Variants in ZNF831 observed in about 807,000 individuals in gnomAD.
The protein encoded by ZNF831 is zinc finger protein 831.
ZNF831 carries 59 observed loss-of-function variants against 95.8 expected under a neutral mutation model. That is an observed-to-expected ratio of 0.62 (90% CI 0.50 to 0.77). The LOEUF (loss-of-function observed/expected upper bound fraction) is 0.77. ZNF831 is among the 30% of genes least tolerant of loss of function. The pLI is 0.00. For missense variants in ZNF831, 2,205 were observed against 2,164.0 expected (o/e 1.02, Z -0.38); for synonymous variants, 961 against 925.5 (o/e 1.04, Z -0.70).
Position 59,255,626 on chromosome 20 carries a change from G to C in ZNF831, c.*883G>C, listed in dbSNP as rs1390587761. On this transcript the variant is annotated 3_prime_UTR_variant, in exon 6 of 6. Transcript: ENST00000371030. ...TTCTTCTTGTCATATTGTGCTCTGA[G>C]CAATTTCAATTAGAGGGTTACATTT... 1 of 152,198 alleles carries C rather than the reference G, an allele frequency of 6.6e-6. No individual in the cohort carries two copies. The highest frequency in any genetic ancestry group is 2.1e-4 in the South Asian group (1 of 4,822). 9.4% of individuals were successfully genotyped at this position (152,198 alleles called of 1,614,324 possible).
intron 4 of ZNF831, among the ~76,000 whole-genome samples, chr20:59,213,027 A>G (rs1264142098): frequency 1.3e-5 from 2 of 152,236 alleles, no homozygotes; most frequent in African/African-American, 4.8e-5. Flanking sequence ...GAAAAGTGAC[A>G]AAGATGATAA....
chr20:59,194,092 G>GA lies in ZNF831; in HGVS notation c.3074dup (p.Asp1025GlufsTer9). 6.5e-7 allele frequency: 1 copy of GA among 1,545,940 alleles called. No individual in the cohort carries two copies. Reference sequence around the variant, plus strand: ...GAGAAAAGGGGCACAGTTGGGGGGGGACAAGGGGGACAGGATGGCCACTAG... The same window carrying GA: ...GAGAAAAGGGGCACAGTTGGGGGGGGAACAAGGGGGACAGGATGGCCACTAG... On this transcript the variant is annotated frameshift_variant, in exon 2 of 6. Transcript: ENST00000371030. LOFTEE classifies it high-confidence loss of function.
rs1197061835 is a variant in ZNF831, at chr20:59,192,246, C to T, written c.1227C>T (p.Ala409=). ...LEKKRLEERI[A]QLISHNQAVV... is the part of the protein sequence containing the mutation. ...AGAAGCGGCTGGAGGAGCGCATCGC[C>T]CAGCTCATCTCCCACAACCAGGCGG... is the stretch of plus-strand genomic sequence containing the variant. Residue 409 remains alanine (A), a synonymous_variant, in exon 2 of 6, where the codon GCC becomes GCT. Coordinates refer to ENST00000371030, the MANE Select transcript of ZNF831 (RefSeq NM_178457.3). The surrounding 1 kb of genome is among the most constrained non-coding windows in gnomAD (Gnocchi z 5.2). The T allele has an allele frequency of 6.3e-7, 1 of 1,595,458 alleles. No homozygotes were observed. Among genetic ancestry groups the T allele is most frequent in the Non-Finnish European group, 8.5e-7 (1 of 1,171,944 alleles).
intron 4 of ZNF831, among the ~76,000 whole-genome samples, chr20:59,246,860 C>CA (rs1987635489): frequency 6.6e-6 from 1 of 152,218 alleles, no homozygotes; most frequent in Admixed American, 6.5e-5. Context: ...TCCTCTCCCC[C>CA]AACCCTCCCT....
intron 4 of ZNF831, among the ~76,000 whole-genome samples, chr20:59,223,561 C>T (rs1018557595): frequency 6.6e-6 from 1 of 151,582 alleles, no homozygotes; most frequent in African/African-American, 2.4e-5. Context: ...GGCTCGCTGC[C>T]GAGTTTCACC....
chr20:59,178,616 A>C lies in ZNF831; in HGVS notation c.-36-12368A>C, dbSNP rs569955099. Among the ~76,000 whole-genome samples the C allele has an allele frequency of 3.2e-3, 483 of 152,358 alleles. 3 individuals are homozygous for C. Among genetic ancestry groups the C allele is most frequent in the Non-Finnish European group, 4.9e-3 (330 of 68,024 alleles). On this transcript the variant is annotated intron_variant, in intron 1 of 5. Transcript: ENST00000371030. The stretch of plus-strand genomic sequence containing the variant: ...CTCATGCCTTGAAAAAAATGTATTA[A>C]TAACTCACTCTACAACTTGGATATA...
chr20:59,196,631 C>G (rs11905653), intron 3 of ZNF831, among the ~76,000 whole-genome samples: 2 of 152,092 alleles, frequency 1.3e-5, no homozygotes, highest in Admixed American at 1.3e-4. Flanking sequence ...CTCTTTCTAC[C>G]CTCATTTTCC....
chr20:59,201,632 T>G (rs1339053070), intron 3 of ZNF831, among the ~76,000 whole-genome samples: 1 of 152,248 alleles, frequency 6.6e-6, no homozygotes, highest in Admixed American at 6.5e-5. Context: ...TCATTTTCAC[T>G]TAGTGTTTAC....
At chr20:59,142,922 G>A (rs765882333) in intron 1 of ZNF831, among the ~76,000 whole-genome samples, 4 of 151,772 alleles carry the variant, frequency 2.6e-5, no homozygotes, top group African/African-American at 7.3e-5. Context: ...TTTAGACCAC[G>A]GTCTCACTCT....
intron 1 of ZNF831, among the ~76,000 whole-genome samples, chr20:59,132,867 C>G (rs866808350): frequency 6.6e-5 from 10 of 152,268 alleles, no homozygotes; most frequent in African/African-American, 2.4e-4. Flanking sequence ...TGAGGCTCCA[C>G]TCTGCTGAGG....
chr20:59,165,648 G>C (rs1380992961), intron 1 of ZNF831, among the ~76,000 whole-genome samples: 1 of 152,180 alleles, frequency 6.6e-6, no homozygotes, highest in Non-Finnish European at 1.5e-5. Flanking sequence ...TCTGCAGAGT[G>C]ACTTTGGGGC....
chr20:59,198,654 G>A (rs545330803), intron 3 of ZNF831, among the ~76,000 whole-genome samples: 1 of 152,342 alleles, frequency 6.6e-6, no homozygotes, highest in South Asian at 2.1e-4. Context: ...GCAGAACAGG[G>A]AGGAGTCTGA....
chr20:59,236,020 G>T (rs1986979694), intron 4 of ZNF831, among the ~76,000 whole-genome samples: 4 of 152,206 alleles, frequency 2.6e-5, no homozygotes, highest in Admixed American at 2.0e-4. Flanking sequence ...AAATGTCTCA[G>T]ACAGGAAGGA....
Position 59,254,629 on chromosome 20 carries a change from A to T in ZNF831, c.4920A>T (p.Glu1640Asp), listed in dbSNP as rs1389932304. 18 of 1,614,106 alleles carry T rather than the reference A, an allele frequency of 1.1e-5. No individual in the cohort carries two copies. Among genetic ancestry groups the T allele is most frequent in the Non-Finnish European group, 1.5e-5 (18 of 1,180,046 alleles). Residue 1640 changes from glutamate (E) to aspartate (D), a missense_variant, in exon 6 of 6, where the codon GAA (glutamate) becomes GAT (aspartate). Coordinates refer to ENST00000371030, the MANE Select transcript of ZNF831 (RefSeq NM_178457.3). The surrounding 1 kb of genome is among the most constrained non-coding windows in gnomAD (Gnocchi z 4.5). ...SKPEQPIEIPEAPSKSLKKRS... is the reference protein window; with the variant it reads ...SKPEQPIEIPDAPSKSLKKRS... ...CAGAGCAGCCCATAGAAATTCCTGA[A>T]GCCCCTTCTAAATCCCTCAAGAAGA...
chr20:59,144,782 C>A (rs955590994), intron 1 of ZNF831, among the ~76,000 whole-genome samples: 3 of 152,230 alleles, frequency 2.0e-5, no homozygotes, highest in Non-Finnish European at 2.9e-5. Flanking sequence ...ATAAGTGCGT[C>A]TTTTCAGCAA....
Position 59,169,571 on chromosome 20 carries a change from G to A in ZNF831, c.-37+5364G>A, listed in dbSNP as rs1432676921. ...ACTTGAGGCCAGGAGTTCGAAACCAGCCTGGCCAACGTGGTGAAATCCTGT... is the reference window on the plus strand; with the variant it reads ...ACTTGAGGCCAGGAGTTCGAAACCAACCTGGCCAACGTGGTGAAATCCTGT... On this transcript the variant is annotated intron_variant, in intron 1 of 5. Coordinates refer to ENST00000371030, the MANE Select transcript of ZNF831 (RefSeq NM_178457.3). This position sits in a 1 kb window ranked among gnomAD's most constrained non-coding sequence, Gnocchi z 4.1. Among the ~76,000 whole-genome samples, 4 of 152,142 alleles carry A rather than the reference G, an allele frequency of 2.6e-5. No individual in the cohort carries two copies. The highest frequency in any genetic ancestry group is 9.6e-5 in the African/African-American group (4 of 41,452).
rs2146775247 is a variant in ZNF831 at position 59,254,812 on chromosome 20, T to A, written c.*69T>A. On this transcript the variant is annotated 3_prime_UTR_variant, in exon 6 of 6. Transcript: ENST00000371030. This position sits in a 1 kb window ranked among gnomAD's most constrained non-coding sequence, Gnocchi z 4.5. ...GCTTCACAAGTAAATGTTGTCAGGC[T>A]GGCGGAAGAACTAAACTCTATCTGT... 4 of 1,530,880 alleles carry A rather than the reference T, an allele frequency of 2.6e-6. No individual in the cohort carries two copies. The highest frequency in any genetic ancestry group is 2.6e-6 in the Non-Finnish European group (3 of 1,144,054). 94.8% of individuals were successfully genotyped at this position (1,530,880 alleles called of 1,614,324 possible).
intron 2 of ZNF831, among the ~76,000 whole-genome samples, chr20:59,157,149 A>C (rs1202830195): frequency 1.3e-5 from 2 of 152,200 alleles, no homozygotes; most frequent in East Asian, 3.8e-4. Flanking sequence ...CTGTTGTGCT[A>C]TCAAATTCTA....
intron 4 of ZNF831, among the ~76,000 whole-genome samples, chr20:59,248,989 C>T (rs1276950472): frequency 6.6e-6 from 1 of 152,204 alleles, no homozygotes; most frequent in East Asian, 1.9e-4. Flanking sequence ...AGATCTGAGT[C>T]CTTGTTGACT....
Sources: gnomAD v4.1 joint callset for allele counts (sites outside exome capture counted in the v4.1 genomes callset) on GRCh38, gnomAD v4.1.1 for gene constraint, Gnocchi (gnomAD v3.1) non-coding constraint, MANE v1.5 for transcripts, NCBI Gene and HGNC (gene_info 2026-07-23, HGNC 2026-07-21) for gene names.